Variants in OSBP observed in about 807,000 individuals in gnomAD.
The protein encoded by OSBP is oxysterol-binding protein 1.
Under a neutral mutation model 96.6 loss-of-function variants are expected in OSBP, and 32 were observed. The observed-to-expected ratio is 0.33, with a 90% confidence interval of 0.25 to 0.45. The LOEUF (loss-of-function observed/expected upper bound fraction) is 0.45. Ranked by LOEUF, OSBP falls within the 20% of genes least tolerant of loss-of-function variation. The pLI is 1.00. For missense variants in OSBP, 653 were observed against 1,029.7 expected, an observed-to-expected ratio of 0.63 and a Z score of 5.01; for synonymous variants, 369 against 389.6, an observed-to-expected ratio of 0.95 and a Z score of 0.62.
At position 59,598,612 on chromosome 11, in the gene OSBP, C is replaced by T. The variant is rs140784336; in HGVS notation, c.1311+1884G>A. Among the ~76,000 whole-genome samples the T allele has an allele frequency of 7.3e-3, 1,104 of 152,260 alleles. 8 individuals are homozygous for T. Among genetic ancestry groups the T allele is most frequent in the Non-Finnish European group, 0.013 (870 of 68,010 alleles). On this transcript the variant is annotated intron_variant, in intron 7 of 13. Coordinates refer to ENST00000263847, the MANE Select transcript of OSBP (RefSeq NM_002556.3). ...GAAGTATCTTCTTGGTTTTTTGAGA[C>T]AGAGTCTAGCTCTGTCACCCAGGCT...
At chr11:59,598,939 C>G (rs1053859874) in intron 7 of OSBP, among the ~76,000 whole-genome samples, 5 of 152,194 alleles carry the variant, frequency 3.3e-5, no homozygotes, top group South Asian at 4.1e-4. Flanking sequence ...CATTTTCCGG[C>G]TAGCTGGAAT....
intron 3 of OSBP, among the ~76,000 whole-genome samples, chr11:59,605,737 A>G (rs999426566): frequency 3.9e-5 from 6 of 152,204 alleles, no homozygotes; most frequent in African/African-American, 1.2e-4. Flanking sequence ...AGAGACAATC[A>G]TATGTCAGGC....
chr11:59,610,696 T>C, intron 1 of OSBP, 107 bp from the exon 2 acceptor site: 1 of 890,826 alleles, frequency 1.1e-6, no homozygotes, highest in Non-Finnish European at 1.8e-6. Context: ...ATGACAGTCT[T>C]AGGAATCAGC....
At chr11:59,588,148 A>G (rs376646858) in intron 9 of OSBP, among the ~76,000 whole-genome samples, 41 of 152,372 alleles carry the variant, frequency 2.7e-4, no homozygotes, top group East Asian at 9.6e-4. Flanking sequence ...GACAAAAACT[A>G]TATGATTCCA....
Position 59,615,554 on chromosome 11 carries a change from T to G in OSBP, c.111A>C (p.Gly37=), listed in dbSNP as rs1860915748. The change falls in exon 1 of 14, where the codon GGA becomes GGC. Residue 37 remains glycine, a synonymous_variant. Transcript: ENST00000263847. ...PPVVGGGGGR[G]DAGPGSGAAS... The stretch of plus-strand genomic sequence containing the variant: ...CGGCCCCGGAGCCTGGCCCCGCATC[T>G]CCGCGGCCGCCGCCTCCTCCCACCA... 3 of 1,353,860 alleles carry G rather than the reference T, an allele frequency of 2.2e-6. No homozygotes were observed. The highest frequency in any genetic ancestry group is 2.9e-6 in the Non-Finnish European group (3 of 1,048,954). The allele number at this position is 1,353,860 out of a possible 1,614,324, so 83.9% of individuals were successfully genotyped here.
chr11:59,613,700 T>C (rs1416723911), intron 1 of OSBP, among the ~76,000 whole-genome samples: 4 of 152,138 alleles, frequency 2.6e-5, no homozygotes, highest in African/African-American at 9.7e-5. Context: ...GGATAAGTAG[T>C]TCGAAAGGGT....
Position 59,578,129 on chromosome 11 carries a change from G to A in OSBP, c.2060+20C>T. 1 of 1,611,942 alleles carries A rather than the reference G, an allele frequency of 6.2e-7. No homozygotes were observed. The highest frequency in any genetic ancestry group is 8.5e-7 in the Non-Finnish European group (1 of 1,178,150). ...TCAAGGTCAAAGTGGTATCTGGGCAGCATGCATGCTGATACTCACGGTAAA... is the reference window on the plus strand; with the variant it reads ...TCAAGGTCAAAGTGGTATCTGGGCAACATGCATGCTGATACTCACGGTAAA... On this transcript the variant is annotated intron_variant, in intron 12 of 13. Coordinates refer to ENST00000263847, the MANE Select transcript of OSBP (RefSeq NM_002556.3).
intron 9 of OSBP, among the ~76,000 whole-genome samples, chr11:59,583,527 T>C (rs1239514449): frequency 6.6e-6 from 1 of 152,094 alleles, no homozygotes; most frequent in African/African-American, 2.4e-5. Context: ...CTGAGAACAC[T>C]TGCTGTGTAC....
At chr11:59,603,512 T>G (rs1235932866) in intron 3 of OSBP, among the ~76,000 whole-genome samples, 1 of 150,082 alleles carries the variant, frequency 6.7e-6, no homozygotes, top group Non-Finnish European at 1.5e-5. Flanking sequence ...CATCCCAAAG[T>G]GAACTCATCA....
chr11:59,576,511 C>A lies in OSBP; in HGVS notation c.*66G>T. 6.5e-7 allele frequency: 1 copy of A among 1,529,390 alleles called. No individual in the cohort carries two copies. Among genetic ancestry groups the A allele is most frequent in the Non-Finnish European group, 8.8e-7 (1 of 1,131,056 alleles). The allele number at this position is 1,529,390 out of a possible 1,614,324, so 94.7% of individuals were successfully genotyped here. A position where few individuals can be genotyped will look rare whatever the true frequency, so the allele number is the denominator to read the frequency against. ...GCACTTGGTAAGAGAGTCACAACTT[C>A]CAGCTTTCCCACACATCCTCTGTCC... is the stretch of plus-strand genomic sequence containing the variant. On this transcript the variant is annotated 3_prime_UTR_variant, in exon 14 of 14. Transcript: ENST00000263847.
At chr11:59,602,629 A>C (rs561923611) in intron 3 of OSBP, among the ~76,000 whole-genome samples, 1 of 152,284 alleles carries the variant, frequency 6.6e-6, no homozygotes, top group African/African-American at 2.4e-5. Flanking sequence ...GCCACACTGA[A>C]CTGCTCACCA....
chr11:59,593,295 C>T (rs942711253), intron 9 of OSBP, among the ~76,000 whole-genome samples: 1 of 151,946 alleles, frequency 6.6e-6, no homozygotes, highest in Non-Finnish European at 1.5e-5. Context: ...AAGAAAACAC[C>T]ACCAGTTAAG....
chr11:59,600,913 C>T (rs1860715366), intron 5 of OSBP, 40 bp from the exon 6 acceptor site: 2 of 1,557,238 alleles, frequency 1.3e-6, no homozygotes, highest in Non-Finnish European at 1.8e-6. Context: ...GAACAAAGAC[C>T]AGAACTAGAG....
chr11:59,576,827 T>G lies in OSBP; in HGVS notation c.2259A>C (p.Glu753Asp), dbSNP rs1244615136. The change falls in exon 13 of 14, where the codon GAA becomes GAC. Residue 753 changes from glutamate to aspartate, a missense_variant. By Grantham distance (45) the Glu-to-Asp change is conservative (BLOSUM62 2). This residue lies in a region of OSBP where 169 missense variants were observed against 251.5 expected (regional missense o/e 0.67). Coordinates refer to ENST00000263847, the MANE Select transcript of OSBP (RefSeq NM_002556.3). ...QRLSRKKREA[E>D]AMKATEDGTP... ...TACCATCCTCTGTGGCTTTCATAGC[T>G]TCCGCTTCTCTCTTCTTTCTGGAAA... 2 of 1,614,070 alleles carry G rather than the reference T, an allele frequency of 1.2e-6. No homozygotes were observed. Among genetic ancestry groups the G allele is most frequent in the Non-Finnish European group, 8.5e-7 (1 of 1,180,048 alleles).
At chr11:59,615,209 T>G (rs1860907400) in intron 1 of OSBP, 94 bp downstream of exon 1, 8 of 1,084,546 alleles carry the variant, frequency 7.4e-6, no homozygotes, top group Non-Finnish European at 1.1e-5. Context: ...GGGGCAACCC[T>G]GGCTGCGGTG....
At chr11:59,611,516 G>C (rs752175727) in intron 1 of OSBP, among the ~76,000 whole-genome samples, 1 of 152,096 alleles carries the variant, frequency 6.6e-6, no homozygotes, top group African/African-American at 2.4e-5. Context: ...GAGTTATATC[G>C]CAGAAGTGTA....
intron 4 of OSBP, 58 bp from the exon 5 acceptor site, chr11:59,601,443 T>C: frequency 7.5e-7 from 1 of 1,328,724 alleles, no homozygotes; most frequent in South Asian, 1.2e-5. Context: ...ATGTCTGATA[T>C]AGCAAGTTCT....
intron 9 of OSBP, among the ~76,000 whole-genome samples, chr11:59,583,950 T>TG (rs946006129): frequency 3.4e-5 from 5 of 147,972 alleles, no homozygotes; most frequent in Non-Finnish European, 6.0e-5. Context: ...GTTTTTTTTT[T>TG]TTTTTTTTTT....
At chr11:59,602,993 TC>T (rs1235519250) in intron 3 of OSBP, among the ~76,000 whole-genome samples, 3 of 152,126 alleles carry the variant, frequency 2.0e-5, no homozygotes, top group African/African-American at 7.2e-5. Flanking sequence ...TCCATCCCTA[TC>T]CCCTGTTTCT....
Sources: allele counts gnomAD v4.1 joint callset (sites outside exome capture counted in the v4.1 genomes callset), GRCh38; gene constraint gnomAD v4.1.1; regional missense constraint gnomAD v4.1.1; transcripts MANE v1.5; gene names NCBI Gene and HGNC (gene_info 2026-07-23, HGNC 2026-07-21).